The following NKAIN2 variants were observed in gnomAD, a reference collection of about 807,000 sequenced individuals.
The protein encoded by NKAIN2 is sodium/potassium-transporting ATPase subunit beta-1-interacting protein 2.
Under a neutral mutation model 32.6 loss-of-function variants are expected in NKAIN2, and 14 were observed. The ratio of observed to expected loss-of-function variants is 0.43; its 90% CI spans 0.28 to 0.67. NKAIN2 has a LOEUF of 0.67. Among genes scored for constraint, NKAIN2 ranks in the 30% least tolerant of loss-of-function variants. The pLI, the probability that NKAIN2 is intolerant of heterozygous loss-of-function variation, is 0.17. For synonymous variants in NKAIN2, 80 were observed against 87.2 expected, an observed-to-expected ratio of 0.92 and a Z score of 0.46; for missense variants, 198 against 258.3, an observed-to-expected ratio of 0.77 and a Z score of 1.60.
chr6:124,078,784 TTTTGTGTGTG>T (rs1400368369), intron 1 of NKAIN2, among the ~76,000 whole-genome samples: 39 of 120,138 alleles, frequency 3.2e-4, no homozygotes, highest in African/African-American at 1.1e-3. Flanking sequence ...GCTATGTCGT[TTTTGTGTGTG>T]TGTGTGTGTG....
chr6:124,140,183 C>T (rs1787064211), intron 1 of NKAIN2, among the ~76,000 whole-genome samples: 1 of 152,156 alleles, frequency 6.6e-6, no homozygotes, highest in Admixed American at 6.5e-5. Flanking sequence ...ATCTTTGCCC[C>T]TGAGACCTTC....
intron 3 of NKAIN2, among the ~76,000 whole-genome samples, chr6:124,411,264 T>G (rs1296208568): frequency 6.6e-6 from 1 of 152,134 alleles, no homozygotes; most frequent in African/African-American, 2.4e-5. Flanking sequence ...TTGATGCAGT[T>G]TCTTCCTAGC....
chr6:123,920,069 T>A (rs1582780353), intron 1 of NKAIN2, among the ~76,000 whole-genome samples: 1 of 152,212 alleles, frequency 6.6e-6, no homozygotes, highest in East Asian at 1.9e-4. Context: ...AGTTATTGAT[T>A]TTTTTTCATG....
At chr6:124,450,059 A>G (rs570587994) in intron 3 of NKAIN2, among the ~76,000 whole-genome samples, 4 of 152,248 alleles carry the variant, frequency 2.6e-5, no homozygotes, top group East Asian at 1.9e-4. Context: ...AGCTAAATAT[A>G]AATTTCCTTA....
chr6:124,320,032 C>T (rs1797110502), intron 2 of NKAIN2, among the ~76,000 whole-genome samples: 1 of 152,056 alleles, frequency 6.6e-6, no homozygotes, highest in South Asian at 2.1e-4. Context: ...GTGGAAGAGC[C>T]ATCTGGCTTG....
At chr6:124,050,573 A>G (rs1782357703) in intron 1 of NKAIN2, among the ~76,000 whole-genome samples, 1 of 151,970 alleles carries the variant, frequency 6.6e-6, no homozygotes, top group South Asian at 2.1e-4. Context: ...AAGATTGGCA[A>G]ATGAAGTTCA....
chr6:124,216,779 G>A (rs1046621498), intron 1 of NKAIN2, among the ~76,000 whole-genome samples: 1 of 152,136 alleles, frequency 6.6e-6, no homozygotes, highest in South Asian at 2.1e-4. Flanking sequence ...GTATTTATTG[G>A]CAAATACATA....
intron 3 of NKAIN2, among the ~76,000 whole-genome samples, chr6:124,417,480 C>T (rs55937918): frequency 0.012 from 1,304 of 104,614 alleles, 10 homozygotes; most frequent in Admixed American, 0.02. Context: ...TCATTTTCTG[C>T]TAATCTTGCT....
chr6:123,859,523 C>T (rs1436184463), intron 1 of NKAIN2, among the ~76,000 whole-genome samples: 1 of 152,040 alleles, frequency 6.6e-6, no homozygotes, highest in Non-Finnish European at 1.5e-5. Flanking sequence ...CAGGACTTGA[C>T]AGATTTCTCT....
intron 1 of NKAIN2, among the ~76,000 whole-genome samples, chr6:124,268,157 T>C (rs1523984): frequency 6.6e-6 from 1 of 152,150 alleles, no homozygotes; most frequent in Admixed American, 6.5e-5. Flanking sequence ...CATACAATTC[T>C]AGTGATGAGA....
intron 1 of NKAIN2, among the ~76,000 whole-genome samples, chr6:124,059,094 T>TA (rs148637808): frequency 0.079 from 11,729 of 148,636 alleles, 479 homozygotes; most frequent in Middle Eastern, 0.17. Context: ...TGGAAAGTGG[T>TA]AAAAAAAAAA....
At chr6:123,993,828 TATG>T (rs903453614) in intron 1 of NKAIN2, among the ~76,000 whole-genome samples, 1 of 152,236 alleles carries the variant, frequency 6.6e-6, no homozygotes, top group Non-Finnish European at 1.5e-5. Context: ...AAGTAGCTTT[TATG>T]ATATTTCTGA....
At chr6:123,859,751 C>T (rs897811180) in intron 1 of NKAIN2, among the ~76,000 whole-genome samples, 3 of 152,168 alleles carry the variant, frequency 2.0e-5, no homozygotes, top group African/African-American at 4.8e-5. Flanking sequence ...AGTGCAGTGG[C>T]ACGATCTTGG....
chr6:124,194,736 A>T (rs1437029487), intron 1 of NKAIN2, among the ~76,000 whole-genome samples: 1 of 152,158 alleles, frequency 6.6e-6, no homozygotes, highest in Non-Finnish European at 1.5e-5. Context: ...CAACTTACAA[A>T]ATATAACTAA....
intron 4 of NKAIN2, among the ~76,000 whole-genome samples, chr6:124,757,849 A>G (rs1030592309): frequency 6.6e-6 from 1 of 152,200 alleles, no homozygotes; most frequent in Non-Finnish European, 1.5e-5. Context: ...CAAATAGGAA[A>G]GTCAATGTTA....
At chr6:124,451,332 A>G (rs1029581806) in intron 3 of NKAIN2, among the ~76,000 whole-genome samples, 5 of 152,156 alleles carry the variant, frequency 3.3e-5, no homozygotes, top group African/African-American at 1.2e-4. Context: ...AAAATCACTA[A>G]TATATCCACA....
At chr6:124,131,191 C>T (rs1374090997) in intron 1 of NKAIN2, among the ~76,000 whole-genome samples, 8 of 152,114 alleles carry the variant, frequency 5.3e-5, no homozygotes, top group African/African-American at 1.7e-4. Flanking sequence ...GTCACCCAGG[C>T]TGGAGTGCAA....
chr6:124,626,781 G>T (rs1467369687), intron 3 of NKAIN2, among the ~76,000 whole-genome samples: 1 of 152,100 alleles, frequency 6.6e-6, no homozygotes, highest in Non-Finnish European at 1.5e-5. Context: ...CCTTCCTGAA[G>T]GGGTAAGTGG....
intron 4 of NKAIN2, among the ~76,000 whole-genome samples, chr6:124,718,933 T>C (rs1218015669): frequency 1.3e-5 from 2 of 152,168 alleles, no homozygotes; most frequent in Admixed American, 6.5e-5. Flanking sequence ...CTACAATTCA[T>C]AATATTTGTT....
Sources: gnomAD v4.1 joint callset for allele counts (sites outside exome capture counted in the v4.1 genomes callset) on GRCh38, gnomAD v4.1.1 for gene constraint, MANE v1.5 for transcripts, NCBI Gene and HGNC (gene_info 2026-07-23, HGNC 2026-07-21) for gene names.